Variants in PTPRD observed in about 807,000 individuals in gnomAD.
PTPRD encodes receptor-type tyrosine-protein phosphatase delta.
A neutral mutation model predicts 214.5 loss-of-function variants in PTPRD; 34 were observed. The observed-to-expected ratio is 0.16, with a 90% confidence interval of 0.12 to 0.21. PTPRD has a LOEUF of 0.21. Among genes scored for constraint, PTPRD ranks in the 10% least tolerant of loss-of-function variants. The pLI, the probability that PTPRD is intolerant of heterozygous loss-of-function variation, is 1.00. For synonymous variants in PTPRD, 1,128 were observed against 845.7 expected (o/e 1.33, Z -5.79); for missense variants, 2,545 against 2,398.7 (o/e 1.06, Z -1.27).
At chr9:9,497,947 A>G (rs2096261708) in intron 8 of PTPRD, among the ~76,000 whole-genome samples, 1 of 152,146 alleles carries the variant, frequency 6.6e-6, no homozygotes, top group Admixed American at 6.6e-5. Context: ...AATTTAAATG[A>G]TTCACAGTGC....
At chr9:8,616,817 C>G (rs762254476) in intron 14 of PTPRD, among the ~76,000 whole-genome samples, 11 of 151,946 alleles carry the variant, frequency 7.2e-5, no homozygotes, top group Non-Finnish European at 1.3e-4. Context: ...TTTACTCTGG[C>G]TAAAAATACT....
At chr9:10,406,691 G>C (rs1382051702) in intron 2 of PTPRD, among the ~76,000 whole-genome samples, 2 of 151,604 alleles carry the variant, frequency 1.3e-5, no homozygotes, top group Non-Finnish European at 1.5e-5. Flanking sequence ...TTTAGCATGT[G>C]TATATCAATT....
intron 7 of PTPRD, among the ~76,000 whole-genome samples, chr9:9,618,117 T>C (rs1165484532): frequency 1.6e-5 from 2 of 125,482 alleles, no homozygotes; most frequent in East Asian, 5.0e-4. Context: ...TTTTGTCTTC[T>C]GGTTGGAGAA....
intron 12 of PTPRD, among the ~76,000 whole-genome samples, chr9:8,675,968 C>G (rs10124538): frequency 0.03 from 4,615 of 152,244 alleles, 121 homozygotes; most frequent in African/African-American, 0.067. Context: ...TCAACTCCAA[C>G]CCTCAGAATC....
Position 9,963,688 on chromosome 9 carries a change from A to G in PTPRD, c.-471-25078T>C, listed in dbSNP as rs527289351. On this transcript the variant is annotated intron_variant, in intron 4 of 45. Coordinates refer to ENST00000381196, the MANE Select transcript of PTPRD (RefSeq NM_002839.4). ...AACAGAGCCTTTCCTTTTTGGTAAT[A>G]AAAACCCCAAGTTCAGACCAAGAAG... Among the ~76,000 whole-genome samples, 12 of 152,264 alleles carry G rather than the reference A, an allele frequency of 7.9e-5. 1 individual carries two copies. In the East Asian group the frequency reaches 2.3e-3, roughly 29 times the overall value.
At chr9:9,798,628 G>T (rs777064663) in intron 5 of PTPRD, among the ~76,000 whole-genome samples, 1 of 152,088 alleles carries the variant, frequency 6.6e-6, no homozygotes, top group Admixed American at 6.6e-5. Flanking sequence ...CATATTTTGG[G>T]GTATCATGTT....
intron 11 of PTPRD, among the ~76,000 whole-genome samples, chr9:8,915,242 A>G (rs1215857674): frequency 1.3e-5 from 2 of 152,194 alleles, no homozygotes; most frequent in African/African-American, 2.4e-5. Flanking sequence ...AATGAGATCA[A>G]CGTTTTGAAG....
At chr9:9,778,144 T>C (rs760231482) in intron 5 of PTPRD, among the ~76,000 whole-genome samples, 10 of 152,024 alleles carry the variant, frequency 6.6e-5, no homozygotes, top group Non-Finnish European at 1.0e-4. Context: ...AACAAAAAGC[T>C]GTGGTGGATG....
chr9:9,190,080 A>C lies in PTPRD; in HGVS notation c.-202-6717T>G, dbSNP rs568845077. On this transcript the variant is annotated intron_variant, in intron 9 of 45. Transcript: ENST00000381196. ...TGGCTATGGTTTGAATGTGTCCTCCAAAGTTCATGTGTTGGAAACTTAATC... is the reference window on the plus strand; with the variant it reads ...TGGCTATGGTTTGAATGTGTCCTCCCAAGTTCATGTGTTGGAAACTTAATC... Among the ~76,000 whole-genome samples the C allele has an allele frequency of 7.2e-5, 11 of 152,222 alleles. No homozygotes were observed. The South Asian group carries it at 2.1e-3, about 29-fold the overall frequency.
At chr9:10,029,316 A>C (rs1473524059) in intron 4 of PTPRD, among the ~76,000 whole-genome samples, 1 of 152,150 alleles carries the variant, frequency 6.6e-6, no homozygotes, top group Non-Finnish European at 1.5e-5. Context: ...GGCGCTGTCT[A>C]GTGGAGCTGT....
intron 4 of PTPRD, among the ~76,000 whole-genome samples, chr9:10,012,817 T>C (rs979368198): frequency 2.6e-5 from 4 of 151,896 alleles, no homozygotes; most frequent in Non-Finnish European, 2.9e-5. Context: ...TTGAATCATA[T>C]GTAATTGGGA....
At chr9:9,109,449 C>G (rs533254156) in intron 10 of PTPRD, among the ~76,000 whole-genome samples, 12 of 152,130 alleles carry the variant, frequency 7.9e-5, no homozygotes, top group Admixed American at 6.5e-4. Flanking sequence ...CTGTATTGCT[C>G]TAAAATGAAG....
intron 4 of PTPRD, among the ~76,000 whole-genome samples, chr9:9,964,795 A>G (rs186035632): frequency 6.6e-6 from 1 of 152,164 alleles, no homozygotes; most frequent in African/African-American, 2.4e-5. Flanking sequence ...AATGTAATAA[A>G]CTAAGGCTTA....
intron 3 of PTPRD, among the ~76,000 whole-genome samples, chr9:10,042,200 A>C (rs577836915): frequency 6.6e-6 from 1 of 151,996 alleles, no homozygotes; most frequent in East Asian, 1.9e-4. Flanking sequence ...CCCCCTTTTC[A>C]CCTGTTCAGC....
At chr9:8,581,598 A>G (rs1162734238) in intron 14 of PTPRD, among the ~76,000 whole-genome samples, 1 of 152,116 alleles carries the variant, frequency 6.6e-6, no homozygotes, top group Admixed American at 6.5e-5. Context: ...AATACAAAAA[A>G]TTAGCTGGGC....
chr9:10,224,255 T>C lies in PTPRD; in HGVS notation c.-545+116708A>G, dbSNP rs80312467. On this transcript the variant is annotated intron_variant, in intron 3 of 45. Coordinates refer to ENST00000381196, the MANE Select transcript of PTPRD (RefSeq NM_002839.4). ...CCTTAATAACATCTACCATATGAGG[T>C]ATATATTACACATGCGCAGATTAGT... 4.5e-3 allele frequency among the ~76,000 whole-genome samples: 687 copies of C among 151,984 alleles called. 1 individual carries two copies. Among genetic ancestry groups the C allele is most frequent in the Non-Finnish European group, 7.3e-3 (496 of 67,932 alleles).
intron 13 of PTPRD, among the ~76,000 whole-genome samples, chr9:8,635,394 G>A (rs770545540): frequency 6.6e-6 from 1 of 151,550 alleles, no homozygotes; most frequent in Non-Finnish European, 1.5e-5. Context: ...TTTTCTACAT[G>A]ACACAGGAAA....
intron 44 of PTPRD, among the ~76,000 whole-genome samples, chr9:8,324,414 T>A (rs1253805722): frequency 6.6e-6 from 1 of 152,164 alleles, no homozygotes; most frequent in Admixed American, 6.5e-5. Context: ...TCCATGTCCC[T>A]GCAAAGGACA....
chr9:10,208,133 G>C (rs758822809), intron 3 of PTPRD, among the ~76,000 whole-genome samples: 1 of 152,182 alleles, frequency 6.6e-6, no homozygotes, highest in Admixed American at 6.5e-5. Context: ...GGACTTTGCT[G>C]TTAAAGTCTT....
Sources: gnomAD v4.1 joint callset for allele counts (sites outside exome capture counted in the v4.1 genomes callset) on GRCh38, gnomAD v4.1.1 for gene constraint, MANE v1.5 for transcripts, NCBI Gene and HGNC (gene_info 2026-07-23, HGNC 2026-07-21) for gene names.